The following CDH4 variants were observed in gnomAD, a reference collection of about 807,000 sequenced individuals.
CDH4 encodes the protein cadherin 4, also known as cadherin-4.
In CDH4, 33 loss-of-function variants were observed where a neutral mutation model predicts 86.0. That is an observed-to-expected ratio of 0.38 (90% confidence interval 0.29 to 0.51). The LOEUF is 0.51. Ranked by LOEUF, CDH4 falls within the 20% of genes least tolerant of loss-of-function variation. The probability of loss-of-function intolerance (pLI) is 0.86; values close to 1 mark genes in which losing one functional copy is unlikely to be tolerated. For missense variants in CDH4, 1,114 were observed against 1,307.4 expected (o/e 0.85, Z 2.28); for synonymous variants, 555 against 549.4 (o/e 1.01, Z -0.14).
intron 2 of CDH4, among the ~76,000 whole-genome samples, chr20:61,661,643 A>T (rs964207454): frequency 2.6e-5 from 4 of 151,976 alleles, no homozygotes; most frequent in African/African-American, 9.7e-5. Context: ...GGGTCTTAGG[A>T]CCATGGATCC....
At chr20:61,408,360 A>G (rs2085096074) in intron 2 of CDH4, among the ~76,000 whole-genome samples, 1 of 152,012 alleles carries the variant, frequency 6.6e-6, no homozygotes, top group Admixed American at 6.5e-5. Context: ...TTGCCTGGGA[A>G]TGGATGAGGG....
intron 2 of CDH4, among the ~76,000 whole-genome samples, chr20:61,290,869 T>C (rs1600838817): frequency 6.6e-6 from 1 of 152,324 alleles, no homozygotes; most frequent in East Asian, 1.9e-4. Flanking sequence ...CTGAAAAATC[T>C]AAGGGTCTGA....
chr20:61,743,971 G>A (rs921196202), intron 3 of CDH4, among the ~76,000 whole-genome samples, 182 bp downstream of exon 3: 40 of 152,340 alleles, frequency 2.6e-4, no homozygotes, highest in African/African-American at 7.0e-4. Context: ...AGGCAGGGCC[G>A]TCATTGCGGG....
intron 2 of CDH4, among the ~76,000 whole-genome samples, chr20:61,620,318 A>G (rs144544469): frequency 0.013 from 1,867 of 146,860 alleles, 20 homozygotes; most frequent in African/African-American, 0.028. Context: ...ATAGGTAGGT[A>G]GATGGATGGA....
intron 2 of CDH4, among the ~76,000 whole-genome samples, chr20:61,578,788 C>T (rs1320155232): frequency 1.3e-5 from 2 of 152,168 alleles, no homozygotes; most frequent in Non-Finnish European, 2.9e-5. Flanking sequence ...TCATCCGGTC[C>T]ATTCTGCCTT....
Position 61,364,052 on chromosome 20 carries a change from G to A in CDH4, c.169+109115G>A, listed in dbSNP as rs553004122. Reference sequence around the variant, plus strand: ...CTTGTGGCCAGCATTTCCATGTGTCGTTTAGACACTCACCATGCATTAACC... The same window carrying A: ...CTTGTGGCCAGCATTTCCATGTGTCATTTAGACACTCACCATGCATTAACC... On this transcript the variant is annotated intron_variant, in intron 2 of 15. Coordinates refer to ENST00000614565, the MANE Select transcript of CDH4 (RefSeq NM_001794.5). 8.5e-5 allele frequency among the ~76,000 whole-genome samples: 13 copies of A among 152,236 alleles called. No individual in the cohort carries two copies. In the South Asian group the frequency reaches 1.5e-3, roughly 17 times the overall value.
At chr20:61,880,259 C>A (rs1384710344) in intron 7 of CDH4, among the ~76,000 whole-genome samples, 1 of 152,202 alleles carries the variant, frequency 6.6e-6, no homozygotes, top group African/African-American at 2.4e-5. Flanking sequence ...CACCCAGAGG[C>A]ATCTGCCTGG....
chr20:61,802,953 C>T (rs530016032), intron 4 of CDH4, among the ~76,000 whole-genome samples: 1 of 152,232 alleles, frequency 6.6e-6, no homozygotes, highest in Non-Finnish European at 1.5e-5. Flanking sequence ...TATCCTGGGT[C>T]TGGCTCTCTC....
chr20:61,627,940 G>T (rs1446693138), intron 2 of CDH4, among the ~76,000 whole-genome samples: 1 of 152,106 alleles, frequency 6.6e-6, no homozygotes, highest in Admixed American at 6.5e-5. Context: ...CCGCCTCCTG[G>T]GCCCCCTGGC....
chr20:61,678,156 G>A (rs1411771437), intron 2 of CDH4, among the ~76,000 whole-genome samples: 1 of 110,484 alleles, frequency 9.1e-6, no homozygotes, highest in African/African-American at 2.6e-5. Context: ...GTAGATAGAT[G>A]GATGATGGAT....
At chr20:61,888,537 G>T (rs1984648533) in intron 7 of CDH4, among the ~76,000 whole-genome samples, 1 of 152,218 alleles carries the variant, frequency 6.6e-6, no homozygotes, top group Admixed American at 6.5e-5. Flanking sequence ...AGGGACCTCT[G>T]CTATGGGTAG....
At position 61,684,153 on chromosome 20, in the gene CDH4, G is replaced by A. The variant is rs367683063; in HGVS notation, c.170-59410G>A. Among the ~76,000 whole-genome samples the A allele has an allele frequency of 4.2e-4, 64 of 152,226 alleles. 1 individual carries two copies. The highest frequency in any genetic ancestry group is 1.4e-3 in the African/African-American group (57 of 41,452). ...CATCGGACAAAGCCTCTGCCCTCTG[G>A]ATGCCAAACATTCTAGAAACCCCCA... On this transcript the variant is annotated intron_variant, in intron 2 of 15. Coordinates refer to ENST00000614565, the MANE Select transcript of CDH4 (RefSeq NM_001794.5). This position sits in a 1 kb window ranked among gnomAD's most constrained non-coding sequence, Gnocchi z 4.5.
chr20:61,565,134 GTCCTC>G, intron 2 of CDH4, among the ~76,000 whole-genome samples: 2 of 116,782 alleles, frequency 1.7e-5, no homozygotes, highest in Non-Finnish European at 3.6e-5. Context: ...GGTGGTGCTG[GTCCTC>G]TTGGTGTTGG....
intron 2 of CDH4, among the ~76,000 whole-genome samples, chr20:61,466,410 C>T (rs900343484): frequency 3.9e-5 from 6 of 152,142 alleles, no homozygotes; most frequent in Admixed American, 1.3e-4. Flanking sequence ...TCGTGCATAG[C>T]AGGTGCATCA....
intron 2 of CDH4, among the ~76,000 whole-genome samples, chr20:61,714,019 T>TGA (rs2087922122): frequency 6.8e-6 from 1 of 146,872 alleles, no homozygotes; most frequent in African/African-American, 2.6e-5. Flanking sequence ...TTGTCTATTC[T>TGA]TTTTTTATTT....
chr20:61,565,315 G>T (rs113824894), intron 2 of CDH4, among the ~76,000 whole-genome samples: 2 of 88,404 alleles, frequency 2.3e-5, no homozygotes, highest in African/African-American at 8.2e-5. Context: ...TCTTGGTGGT[G>T]GCGGTGCTCT....
chr20:61,739,249 TGAA>T (rs1332237364), intron 2 of CDH4, among the ~76,000 whole-genome samples: 1 of 152,158 alleles, frequency 6.6e-6, no homozygotes, highest in Non-Finnish European at 1.5e-5. Flanking sequence ...GGGGGTCCCG[TGAA>T]GATTCTGGGC....
Position 61,512,978 on chromosome 20 carries a change from C to T in CDH4, c.170-230585C>T, listed in dbSNP as rs78961893. ...GATTGTTAACAGTAGGATCAGAGCC[C>T]CCGTAGAGTTTTGTTTTTTTCCATT... On this transcript the variant is annotated intron_variant, in intron 2 of 15. Transcript: ENST00000614565. Among the ~76,000 whole-genome samples, 587 of 152,304 alleles carry T rather than the reference C, an allele frequency of 3.9e-3. 3 individuals are homozygous for T. The highest frequency in any genetic ancestry group is 0.013 in the African/African-American group (554 of 41,562).
At chr20:61,302,604 T>C (rs1262281716) in intron 2 of CDH4, among the ~76,000 whole-genome samples, 1 of 152,150 alleles carries the variant, frequency 6.6e-6, no homozygotes, top group Non-Finnish European at 1.5e-5. Context: ...CAAGTCATCC[T>C]GAGACTGGTT....
Sources: gnomAD v4.1 joint callset for allele counts (sites outside exome capture counted in the v4.1 genomes callset) on GRCh38, gnomAD v4.1.1 for gene constraint, Gnocchi (gnomAD v3.1) non-coding constraint, MANE v1.5 for transcripts, NCBI Gene and HGNC (gene_info 2026-07-23, HGNC 2026-07-21) for gene names.